SSBP3: variants seen among roughly 807,000 people sequenced by gnomAD.
SSBP3 encodes single stranded DNA binding protein 3.
In SSBP3, 5 loss-of-function variants were observed where a neutral mutation model predicts 69.6. The observed-to-expected ratio is 0.07, with a 90% CI of 0.04 to 0.15. The LOEUF is 0.15. Among genes scored for constraint, SSBP3 ranks in the 10% least tolerant of loss-of-function variants. The pLI is 1.00. For missense variants in SSBP3, 312 were observed against 534.0 expected, an observed-to-expected ratio of 0.58 and a Z score of 4.10; for synonymous variants, 196 against 193.4, an observed-to-expected ratio of 1.01 and a Z score of -0.11.
chr1:54,228,566 C>T, intron 15 of SSBP3, 89 bp from the exon 16 acceptor site: 8 of 1,569,696 alleles, frequency 5.1e-6, no homozygotes, highest in Non-Finnish European at 6.9e-6. Flanking sequence ...GGCCTCTAAG[C>T]CCTTCCATCC....
intron 7 of SSBP3, among the ~76,000 whole-genome samples, chr1:54,254,708 G>A (rs934026294): frequency 6.6e-6 from 1 of 152,194 alleles, no homozygotes; most frequent in Non-Finnish European, 1.5e-5. Flanking sequence ...CAGACCCAAC[G>A]AGGGCACTCT....
At chr1:54,367,585 A>C (rs1647049123) in intron 4 of SSBP3, among the ~76,000 whole-genome samples, 1 of 152,242 alleles carries the variant, frequency 6.6e-6, no homozygotes, top group South Asian at 2.1e-4. Context: ...CTCTGGTGCC[A>C]GACTAGCCAG....
chr1:54,292,267 T>C (rs372610460), intron 4 of SSBP3, among the ~76,000 whole-genome samples: 12 of 152,204 alleles, frequency 7.9e-5, no homozygotes, highest in African/African-American at 2.9e-4. Flanking sequence ...CCACAATTAA[T>C]TCCCCTCTAC....
intron 5 of SSBP3, among the ~76,000 whole-genome samples, chr1:54,273,929 T>C (rs1008052390): frequency 1.4e-4 from 22 of 152,164 alleles, no homozygotes; most frequent in Non-Finnish European, 2.4e-4. Flanking sequence ...AGCCCAGCAG[T>C]TGGGGCGCCC....
At position 54,258,308 on chromosome 1, in the gene SSBP3, G is replaced by A. The variant is rs996718472; in HGVS notation, c.367-159C>T. On this transcript the variant is annotated intron_variant, in intron 5 of 17. Transcript: ENST00000610401. This position sits in a 1 kb window ranked among gnomAD's most constrained non-coding sequence, Gnocchi z 4.5. ...TGGGAGGTGGTGGAGCTGCTGCTTT[G>A]GTCGCCGGCTCAACGGTGTAAAACG... Among the ~76,000 whole-genome samples the A allele has an allele frequency of 6.6e-6, 1 of 151,848 alleles. No individual in the cohort carries two copies. The highest frequency in any genetic ancestry group is 1.5e-5 in the Non-Finnish European group (1 of 67,976).
At chr1:54,348,124 G>A (rs1031985765) in intron 4 of SSBP3, among the ~76,000 whole-genome samples, 32 of 151,822 alleles carry the variant, frequency 2.1e-4, no homozygotes, top group African/African-American at 7.0e-4. Context: ...TATCCATCTG[G>A]GGACAGAGAC....
chr1:54,269,639 A>C (rs994491983), intron 5 of SSBP3, among the ~76,000 whole-genome samples: 2 of 152,236 alleles, frequency 1.3e-5, no homozygotes, highest in Admixed American at 6.5e-5. Flanking sequence ...ATTCTTGAAT[A>C]AAAGTGACCT....
At chr1:54,402,017 G>T in intron 3 of SSBP3, 72 bp from the exon 4 acceptor site, 2 of 1,333,960 alleles carry the variant, frequency 1.5e-6, no homozygotes, top group Non-Finnish European at 2.1e-6. Context: ...AGTGCACGAT[G>T]CATGGCGCTA....
chr1:54,327,217 A>AGGAAGG (rs1300749001), intron 4 of SSBP3, among the ~76,000 whole-genome samples: 1 of 134,066 alleles, frequency 7.5e-6, no homozygotes. Flanking sequence ...AAGAGAGGGA[A>AGGAAGG]AAGGAAGGAA....
At chr1:54,311,920 A>C (rs184973594) in intron 4 of SSBP3, among the ~76,000 whole-genome samples, 2 of 152,206 alleles carry the variant, frequency 1.3e-5, no homozygotes, top group East Asian at 3.9e-4. Flanking sequence ...TGCCCAGCGC[A>C]CTCACAGCTG....
intron 4 of SSBP3, among the ~76,000 whole-genome samples, chr1:54,318,882 C>G (rs1035251688): frequency 6.6e-6 from 1 of 152,202 alleles, no homozygotes. Context: ...GGGAAGGGGT[C>G]GTCCTTTCCC....
Position 54,338,688 on chromosome 1 carries a change from C to A in SSBP3, c.277-57161G>T, listed in dbSNP as rs1351371639. ...CAGCCGAGGCTAAACAGGGACCCAACCACAAGCATCCAGTAATTCTGAATA... is the reference window on the plus strand; with the variant it reads ...CAGCCGAGGCTAAACAGGGACCCAAACACAAGCATCCAGTAATTCTGAATA... On this transcript the variant is annotated intron_variant, in intron 4 of 17. Coordinates refer to ENST00000610401, the Ensembl canonical transcript of SSBP3. Among the ~76,000 whole-genome samples, 6 of 152,322 alleles carry A rather than the reference C, an allele frequency of 3.9e-5. No homozygotes were observed. The East Asian group carries it at 7.7e-4, about 20-fold the overall frequency.
intron 2 of SSBP3, 101 bp from the exon 3 acceptor site, chr1:54,404,738 C>T: frequency 7.0e-7 from 1 of 1,431,956 alleles, no homozygotes; most frequent in Non-Finnish European, 9.8e-7. Flanking sequence ...ACAATAAATG[C>T]CAAAAGGTGA....
intron 4 of SSBP3, chr1:54,356,281 G>C (rs373017652): frequency 6.6e-6 from 1 of 152,304 alleles, no homozygotes; most frequent in Non-Finnish European, 1.5e-5. Flanking sequence ...CAGCAGCCAG[G>C]GGGAGGGGTG....
chr1:54,344,654 C>T (rs1217595027), intron 4 of SSBP3, among the ~76,000 whole-genome samples: 1 of 152,080 alleles, frequency 6.6e-6, no homozygotes, highest in South Asian at 2.1e-4. Flanking sequence ...GGGAAACATC[C>T]GATCAATCTT....
chr1:54,384,812 A>T (rs1557583159), intron 4 of SSBP3, among the ~76,000 whole-genome samples: 1 of 151,078 alleles, frequency 6.6e-6, no homozygotes, highest in African/African-American at 2.4e-5. Flanking sequence ...GTCCCTCTAA[A>T]TTTTTTTTTT....
At chr1:54,318,423 C>T (rs1056809558) in intron 4 of SSBP3, among the ~76,000 whole-genome samples, 1 of 152,186 alleles carries the variant, frequency 6.6e-6, no homozygotes, top group African/African-American at 2.4e-5. Flanking sequence ...GATTGATCAC[C>T]AGGGTAGGAT....
intron 4 of SSBP3, among the ~76,000 whole-genome samples, chr1:54,303,449 G>C (rs966263663): frequency 2.0e-5 from 3 of 152,120 alleles, no homozygotes; most frequent in Non-Finnish European, 4.4e-5. Context: ...ACAATCACCC[G>C]CATTTCCCCT....
chr1:54,330,414 C>T (rs1393896658), intron 4 of SSBP3, among the ~76,000 whole-genome samples: 1 of 152,184 alleles, frequency 6.6e-6, no homozygotes, highest in South Asian at 2.1e-4. Context: ...TACACCTCCA[C>T]GGCCATCCAT....
Sources: gnomAD v4.1 joint callset for allele counts (sites outside exome capture counted in the v4.1 genomes callset) on GRCh38, gnomAD v4.1.1 for gene constraint, Gnocchi (gnomAD v3.1) non-coding constraint, MANE v1.5 for transcripts, NCBI Gene and HGNC (gene_info 2026-07-23, HGNC 2026-07-21) for gene names.